Variants in PALMD observed in about 807,000 individuals in gnomAD.
The protein encoded by PALMD is paralemmin-like protein.
In PALMD, 42 loss-of-function variants were observed where a neutral mutation model predicts 56.2. That is an observed-to-expected ratio of 0.75 (90% confidence interval 0.58 to 0.97). The LOEUF (loss-of-function observed/expected upper bound fraction) is 0.97, where lower values mean the gene tolerates loss of function less well. Among genes scored for constraint, PALMD ranks in the 50% least tolerant of loss-of-function variants. The pLI, the probability that PALMD is intolerant of heterozygous loss-of-function variation, is 0.00. For missense variants in PALMD, 660 were observed against 643.8 expected (o/e 1.03, Z -0.27); for synonymous variants, 242 against 222.9 (o/e 1.09, Z -0.76).
chr1:99,662,254 A>G, intron 1 of PALMD, 65 bp from the exon 2 acceptor site: 2 of 855,592 alleles, frequency 2.3e-6, no homozygotes, highest in South Asian at 3.0e-5. Context: ...TAGTGACAAC[A>G]ACCCCAAGGA....
chr1:99,682,870 G>A (rs540538448), intron 3 of PALMD, among the ~76,000 whole-genome samples: 14 of 151,698 alleles, frequency 9.2e-5, no homozygotes, highest in Admixed American at 7.2e-4. Flanking sequence ...GCCAGGCGTC[G>A]TGGTGCACTC....
In PALMD at chr1:99,688,652, A is replaced by G. The variant is rs1653581962; in HGVS notation, c.515-123A>G. ...GAGTAAAATCAGAAATTTAAAAAAT[A>G]GACAACATCTCACATACAAGAACAT... On this transcript the variant is annotated intron_variant, in intron 6 of 7. Coordinates refer to ENST00000263174, the MANE Select transcript of PALMD (RefSeq NM_017734.5). 9.5e-6 allele frequency: 6 copies of G among 633,538 alleles called. No individual in the cohort carries two copies. The South Asian group carries it at 1.3e-4, about 14-fold the overall frequency. 39.2% of individuals were successfully genotyped at this position (633,538 alleles called of 1,614,324 possible).
At chr1:99,649,597 C>A (rs1249414831) in intron 1 of PALMD, among the ~76,000 whole-genome samples, 3 of 152,140 alleles carry the variant, frequency 2.0e-5, no homozygotes, top group Non-Finnish European at 2.9e-5. Context: ...GCCCAGGGGT[C>A]TCTCCTCAGA....
At chr1:99,675,432 T>G (rs1488109378) in intron 3 of PALMD, among the ~76,000 whole-genome samples, 1 of 152,216 alleles carries the variant, frequency 6.6e-6, no homozygotes, top group Admixed American at 6.5e-5. Flanking sequence ...GATAAGTATA[T>G]CTTCAGTTAA....
chr1:99,688,693 T>TA, intron 6 of PALMD, 82 bp from the exon 7 acceptor site: 1 of 886,124 alleles, frequency 1.1e-6, no homozygotes, highest in Non-Finnish European at 1.8e-6. Context: ...GTCTACTTAA[T>TA]ATAAAAATAA....
At chr1:99,662,495 A>G (rs938035954) in intron 2 of PALMD, 96 bp downstream of exon 2, 6 of 744,290 alleles carry the variant, frequency 8.1e-6, no homozygotes, top group Non-Finnish European at 1.4e-5. Flanking sequence ...GGAAAGAAAA[A>G]AATTTCAAGA....
At chr1:99,652,853 A>G (rs1009763592) in intron 1 of PALMD, among the ~76,000 whole-genome samples, 4 of 152,140 alleles carry the variant, frequency 2.6e-5, no homozygotes, top group African/African-American at 9.7e-5. Flanking sequence ...TTCTAACCCA[A>G]AACAGTTCTC....
At chr1:99,690,793 A>G (rs1181380132) in intron 7 of PALMD, among the ~76,000 whole-genome samples, 2 of 152,158 alleles carry the variant, frequency 1.3e-5, no homozygotes, top group African/African-American at 2.4e-5. Context: ...AAATGTCTCT[A>G]ATGGAAGGAT....
chr1:99,666,127 T>C (rs1362770439), intron 2 of PALMD, among the ~76,000 whole-genome samples: 3 of 152,152 alleles, frequency 2.0e-5, no homozygotes, highest in Non-Finnish European at 4.4e-5. Context: ...TGTGTATCCA[T>C]AAGCTTTCAG....
chr1:99,662,534 G>A (rs1571063290), intron 2 of PALMD, 135 bp downstream of exon 2: 1 of 648,574 alleles, frequency 1.5e-6, no homozygotes, highest in Non-Finnish European at 2.8e-6. Context: ...AATAACCATA[G>A]GGGAGGCCAA....
At chr1:99,675,357 T>C (rs1281149238) in intron 3 of PALMD, among the ~76,000 whole-genome samples, 2 of 152,236 alleles carry the variant, frequency 1.3e-5, no homozygotes, top group Non-Finnish European at 1.5e-5. Context: ...AAGTAGTTTA[T>C]TCATAGAAAT....
chr1:99,656,260 AT>A (rs543882220), intron 1 of PALMD, among the ~76,000 whole-genome samples: 2,195 of 152,160 alleles, frequency 0.014, 40 homozygotes, highest in Non-Finnish European at 0.025. Flanking sequence ...ATTTTCAATA[AT>A]TTTTTTAAGA....
chr1:99,654,216 A>G (rs1011135429), intron 1 of PALMD, among the ~76,000 whole-genome samples: 4 of 152,168 alleles, frequency 2.6e-5, no homozygotes, highest in Admixed American at 2.6e-4. Context: ...AATTGACTTG[A>G]AAGTTCAGTA....
chr1:99,681,139 G>A (rs200767911), intron 3 of PALMD, among the ~76,000 whole-genome samples: 2 of 129,636 alleles, frequency 1.5e-5, no homozygotes, highest in Non-Finnish European at 3.2e-5. Flanking sequence ...GTGTGTGTAT[G>A]TATATATATA....
chr1:99,675,361 T>C (rs1372980606), intron 3 of PALMD, among the ~76,000 whole-genome samples: 3 of 152,214 alleles, frequency 2.0e-5, no homozygotes, highest in Non-Finnish European at 4.4e-5. Flanking sequence ...AGTTTATTCA[T>C]AGAAATGTTT....
In PALMD at chr1:99,677,186, TTC is replaced by T. The variant is rs570348295; in HGVS notation, c.251+9422_251+9423del. On this transcript the variant is annotated intron_variant, in intron 3 of 7. Transcript: ENST00000263174. ...ACTGAGAGCAAAGACTGATTAATTT[TTC>T]TGTTTTTCTAGTTAACAACCTGAAA... Among the ~76,000 whole-genome samples the T allele has an allele frequency of 2.2e-3, 338 of 152,286 alleles. 1 individual carries two copies. Among genetic ancestry groups the T allele is most frequent in the African/African-American group, 7.4e-3 (306 of 41,568 alleles).
At chr1:99,666,141 CCTTCA>C (rs995941999) in intron 2 of PALMD, among the ~76,000 whole-genome samples, 18 of 151,982 alleles carry the variant, frequency 1.2e-4, no homozygotes, top group African/African-American at 4.1e-4. Flanking sequence ...CTTTCAGGCC[CCTTCA>C]CTTCTTCAAT....
chr1:99,661,920 A>T (rs553686695), intron 1 of PALMD, among the ~76,000 whole-genome samples: 1 of 152,140 alleles, frequency 6.6e-6, no homozygotes, highest in Non-Finnish European at 1.5e-5. Flanking sequence ...GAGTCCTTTC[A>T]CCCAGAGGCT....
At chr1:99,648,404 C>T (rs918576169) in intron 1 of PALMD, among the ~76,000 whole-genome samples, 1 of 152,136 alleles carries the variant, frequency 6.6e-6, no homozygotes, top group Non-Finnish European at 1.5e-5. Context: ...AGGAAGCCAC[C>T]TCAGCTAGTC....
Sources: allele counts gnomAD v4.1 joint callset (sites outside exome capture counted in the v4.1 genomes callset), GRCh38; gene constraint gnomAD v4.1.1; transcripts MANE v1.5; gene names NCBI Gene and HGNC (gene_info 2026-07-23, HGNC 2026-07-21).